AATF: variants seen among roughly 807,000 people sequenced by gnomAD.
AATF encodes protein AATF.
Under a neutral mutation model 63.7 loss-of-function variants are expected in AATF, and 48 were observed. The observed-to-expected ratio is 0.75, with a 90% CI of 0.60 to 0.96. The LOEUF is 0.96. Among genes scored for constraint, AATF ranks in the 40% least tolerant of loss-of-function variants. The pLI, the probability that AATF is intolerant of heterozygous loss-of-function variation, is 0.00. For synonymous variants in AATF, 258 were observed against 247.7 expected (o/e 1.04, Z -0.39); for missense variants, 639 against 685.7 (o/e 0.93, Z 0.76).
intron 4 of AATF, among the ~76,000 whole-genome samples, chr17:36,964,804 T>G (rs1161122055): frequency 6.6e-6 from 1 of 150,620 alleles, no homozygotes; most frequent in Non-Finnish European, 1.5e-5. Context: ...CTTTTTTTCC[T>G]AAACTTTACA....
chr17:37,051,732 AC>A (rs1031231047), intron 11 of AATF, among the ~76,000 whole-genome samples: 6 of 151,240 alleles, frequency 4.0e-5, no homozygotes, highest in African/African-American at 1.5e-4. Flanking sequence ...ACACACACGC[AC>A]ATTCTGTCTT....
chr17:36,979,118 AC>A (rs1490691394), intron 4 of AATF, among the ~76,000 whole-genome samples: 10 of 152,096 alleles, frequency 6.6e-5, no homozygotes, highest in Admixed American at 6.6e-4. Flanking sequence ...GGCCTGAAAT[AC>A]GACTGACTGG....
At chr17:37,006,008 G>A (rs1167566888) in intron 8 of AATF, among the ~76,000 whole-genome samples, 4 of 152,046 alleles carry the variant, frequency 2.6e-5, no homozygotes, top group East Asian at 1.9e-4. Flanking sequence ...GGTGGCTTGC[G>A]CCTGTGGTCC....
intron 4 of AATF, among the ~76,000 whole-genome samples, chr17:36,967,555 C>T (rs1194789987): frequency 6.6e-6 from 1 of 152,168 alleles, no homozygotes; most frequent in Non-Finnish European, 1.5e-5. Context: ...CTCAGGTGTC[C>T]AGCTGTCATG....
Position 36,966,065 on chromosome 17 carries a change from A to G in AATF, c.832+12158A>G, listed in dbSNP as rs147215968. Among the ~76,000 whole-genome samples the G allele has an allele frequency of 4.9e-3, 739 of 152,088 alleles. 10 individuals are homozygous for G. Among genetic ancestry groups the G allele is most frequent in the African/African-American group, 0.017 (704 of 41,482 alleles). ...GGAAAATCTTTTCTAATATTTCTTTAATAATTTTCTTCCTTCCATTTTCTC... is the reference window on the plus strand; with the variant it reads ...GGAAAATCTTTTCTAATATTTCTTTGATAATTTTCTTCCTTCCATTTTCTC... On this transcript the variant is annotated intron_variant, in intron 4 of 11. Coordinates refer to ENST00000619387, the MANE Select transcript of AATF (RefSeq NM_012138.4).
chr17:37,004,813 A>G (rs1450865645), intron 8 of AATF, among the ~76,000 whole-genome samples: 1 of 152,152 alleles, frequency 6.6e-6, no homozygotes, highest in Non-Finnish European at 1.5e-5. Context: ...AGCCTAAAAG[A>G]CCCACAGGTT....
At chr17:37,010,020 T>C (rs1047429301) in intron 8 of AATF, among the ~76,000 whole-genome samples, 15 of 152,282 alleles carry the variant, frequency 9.9e-5, no homozygotes, top group African/African-American at 3.6e-4. Flanking sequence ...GGTTTCTCTA[T>C]TCCTAGGTCG....
intron 11 of AATF, among the ~76,000 whole-genome samples, chr17:37,050,360 G>A (rs948599581): frequency 6.6e-6 from 1 of 152,116 alleles, no homozygotes; most frequent in East Asian, 1.9e-4. Flanking sequence ...GTTCAAATAA[G>A]CATTCAAATA....
chr17:36,986,235 G>C (rs2071167717), intron 4 of AATF, among the ~76,000 whole-genome samples: 1 of 152,226 alleles, frequency 6.6e-6, no homozygotes, highest in Non-Finnish European at 1.5e-5. Flanking sequence ...CAGGAGGTCA[G>C]CAGGTAACCT....
rs770913403 is a variant in AATF at position 36,950,171 on chromosome 17, G to A, written c.92-43G>A. 10 of 1,590,252 alleles carry A rather than the reference G, an allele frequency of 6.3e-6. No individual in the cohort carries two copies. The Admixed American group carries it at 1.7e-4, about 27-fold the overall frequency. ...GACCAGGGTTCCCGTTAAAGTTTCTGCTAACCTGGAGATTCTGTTTACTTT... is the reference window on the plus strand; with the variant it reads ...GACCAGGGTTCCCGTTAAAGTTTCTACTAACCTGGAGATTCTGTTTACTTT... On this transcript the variant is annotated intron_variant, in intron 1 of 11. Coordinates refer to ENST00000619387, the MANE Select transcript of AATF (RefSeq NM_012138.4).
chr17:36,949,013 G>C lies in AATF; in HGVS notation c.-113G>C. The C allele has an allele frequency of 9.5e-7, 1 of 1,048,094 alleles. No homozygotes were observed. 64.9% of individuals were successfully genotyped at this position (1,048,094 alleles called of 1,614,324 possible). On this transcript the variant is annotated 5_prime_UTR_variant, in exon 1 of 12. Coordinates refer to ENST00000619387, the MANE Select transcript of AATF (RefSeq NM_012138.4). ...GGTGGCCTCCGCGCGGTCTCTGGCG[G>C]AGTCGGGGAATCGGATCAAGGCGAG...
At chr17:37,034,677 G>T (rs921166098) in intron 11 of AATF, 1 of 151,836 alleles carries the variant, frequency 6.6e-6, no homozygotes, top group South Asian at 2.1e-4. Flanking sequence ...CATTGAAAAA[G>T]ACATCAAAAA....
intron 4 of AATF, among the ~76,000 whole-genome samples, chr17:36,977,561 T>C (rs1298213397): frequency 6.6e-6 from 1 of 152,126 alleles, no homozygotes; most frequent in Non-Finnish European, 1.5e-5. Flanking sequence ...TCTAATTTTA[T>C]TTTTAATAAG....
At chr17:37,029,538 G>A (rs138762447) in intron 10 of AATF, among the ~76,000 whole-genome samples, 2,283 of 151,058 alleles carry the variant, frequency 0.015, 66 homozygotes, top group African/African-American at 0.053. Context: ...GTGAGCCACT[G>A]CACCCAGCCA....
At chr17:36,971,623 A>G (rs2071039978) in intron 4 of AATF, among the ~76,000 whole-genome samples, 1 of 152,250 alleles carries the variant, frequency 6.6e-6, no homozygotes, top group African/African-American at 2.4e-5. Context: ...AAAGTCTTGT[A>G]CATGCACGTT....
intron 4 of AATF, among the ~76,000 whole-genome samples, chr17:36,977,762 T>G (rs2071090016): frequency 6.6e-6 from 1 of 152,204 alleles, no homozygotes; most frequent in Non-Finnish European, 1.5e-5. Flanking sequence ...GGTTTTTAAG[T>G]ATCTCATATT....
intron 6 of AATF, 56 bp from the exon 7 acceptor site, chr17:36,989,191 G>A: frequency 6.5e-7 from 1 of 1,539,608 alleles, no homozygotes; most frequent in South Asian, 1.2e-5. Flanking sequence ...AACCAATGTA[G>A]CTTGCCTTCA....
chr17:37,028,951 G>A (rs2071531291), intron 10 of AATF, among the ~76,000 whole-genome samples: 1 of 150,522 alleles, frequency 6.6e-6, no homozygotes, highest in Non-Finnish European at 1.5e-5. Context: ...AAAATTGTGT[G>A]AATATATATA....
At chr17:37,030,052 T>C (rs1334542828) in intron 10 of AATF, among the ~76,000 whole-genome samples, 3 of 152,104 alleles carry the variant, frequency 2.0e-5, no homozygotes, top group African/African-American at 7.2e-5. Context: ...TTCTGTATTT[T>C]ATACCTTTTG....
Sources: gnomAD v4.1 joint callset for allele counts (sites outside exome capture counted in the v4.1 genomes callset) on GRCh38, gnomAD v4.1.1 for gene constraint, MANE v1.5 for transcripts, NCBI Gene and HGNC (gene_info 2026-07-23, HGNC 2026-07-21) for gene names.